The following NUP85 variants were observed in gnomAD, a reference collection of about 807,000 sequenced individuals.
NUP85 encodes the protein nucleoporin 85, also known as nuclear pore complex protein Nup85.
Under a neutral mutation model 92.8 loss-of-function variants are expected in NUP85, and 23 were observed. The observed-to-expected ratio is 0.25, with a 90% CI of 0.18 to 0.35. NUP85 has a LOEUF of 0.35. NUP85 is among the 10% of genes least tolerant of loss of function. NUP85 has a pLI of 1.00. For missense variants in NUP85, 759 were observed against 822.8 expected, an observed-to-expected ratio of 0.92 and a Z score of 0.95; for synonymous variants, 314 against 306.9, an observed-to-expected ratio of 1.02 and a Z score of -0.24.
rs1221043043 is a variant in NUP85 at position 75,205,927 on chromosome 17, T to G, written c.33+133T>G. The G allele has an allele frequency of 5.7e-6, 6 of 1,047,060 alleles. No individual in the cohort carries two copies. The Admixed American group carries it at 1.3e-4, about 22-fold the overall frequency. The allele number at this position is 1,047,060 out of a possible 1,614,324, so 64.9% of individuals were successfully genotyped here. ...CTTCCCTCGACTCAGTTGCCACTTT[T>G]CCGGAGGTCGCAGTGTTAACGAGGT... On this transcript the variant is annotated intron_variant, in intron 1 of 18. Transcript: ENST00000245544.
Position 75,225,693 on chromosome 17 carries a change from C to G in NUP85, c.856-5C>G, listed in dbSNP as rs371760886. The G allele has an allele frequency of 9.7e-5, 156 of 1,613,980 alleles. No homozygotes were observed. The highest frequency in any genetic ancestry group is 1.2e-4 in the Non-Finnish European group (137 of 1,179,990). On this transcript the variant is annotated splice_region_variant and splice_polypyrimidine_tract_variant and intron_variant, in intron 9 of 18. Transcript: ENST00000245544. ...ACAGAGTTCAGCACAAATGTCTCTC[C>G]TCAGATTATGCTGGGAGACGAAGCT...
Position 75,208,551 on chromosome 17 carries a change from A to G in NUP85, c.58A>G (p.Lys20Glu). 1 of 1,605,484 alleles carries G rather than the reference A, an allele frequency of 6.2e-7. No individual in the cohort carries two copies. The highest frequency in any genetic ancestry group is 2.2e-5 in the East Asian group (1 of 44,836). The change falls in exon 2 of 19, where the codon AAG (lysine) becomes GAG (glutamate). Residue 20 changes from lysine (K) to glutamate (E), a missense_variant. Transcript: ENST00000245544. ...VTLIPGVNSK[K>E]NQMYFDWGPG... Reference sequence around the variant, plus strand: ...GTTGATTCCAGGCGTGAATTCCAAGAAGAACCAAATGTATTTTGACTGGGG... The same window carrying G: ...GTTGATTCCAGGCGTGAATTCCAAGGAGAACCAAATGTATTTTGACTGGGG...
At chr17:75,208,359 C>T (rs2071691264) in intron 1 of NUP85, 168 bp from the exon 2 acceptor site, 5 of 613,800 alleles carry the variant, frequency 8.1e-6, no homozygotes, top group Non-Finnish European at 1.4e-5. Flanking sequence ...GCAGGAGAAG[C>T]CTTTGAACCC....
chr17:75,224,451 G>A (rs550858642), intron 7 of NUP85, among the ~76,000 whole-genome samples: 1 of 152,272 alleles, frequency 6.6e-6, no homozygotes, highest in South Asian at 2.1e-4. Context: ...AAGATGGTGG[G>A]AGAAATAATC....
rs60396796 is a variant in NUP85, at chr17:75,233,437, CTTTTTT to C, written c.1615+289_1615+294del. 2.6e-5 allele frequency among the ~76,000 whole-genome samples: 3 copies of C among 117,184 alleles called. No homozygotes were observed. The Admixed American group carries it at 2.8e-4, about 11-fold the overall frequency. 76.9% of individuals were successfully genotyped at this position (117,184 alleles called of 152,430 possible). On this transcript the variant is annotated intron_variant, in intron 16 of 18. Coordinates refer to ENST00000245544, the MANE Select transcript of NUP85 (RefSeq NM_024844.5). ...TCTTTCTTCTTTTCTTTTATTTTTTCTTTTTTTTTTTTTTTGAGACAGAATCTTACT... is the reference window on the plus strand; with the variant it reads ...TCTTTCTTCTTTTCTTTTATTTTTTCTTTTTTTTTGAGACAGAATCTTACT...
chr17:75,205,725 C>A lies in NUP85; in HGVS notation c.-37C>A. ...GGGAGGCCTGAGCGGGAAGCATTGG[C>A]GTCCGAGCGACTTCTAGGAGCCTGG... On this transcript the variant is annotated 5_prime_UTR_variant, in exon 1 of 19. Transcript: ENST00000245544. 1 of 1,613,842 alleles carries A rather than the reference C, an allele frequency of 6.2e-7. No individual in the cohort carries two copies. Among genetic ancestry groups the A allele is most frequent in the Non-Finnish European group, 8.5e-7 (1 of 1,179,750 alleles).
At chr17:75,230,483 CAGAGT>C (rs1393639951) in intron 11 of NUP85, among the ~76,000 whole-genome samples, 7 of 151,970 alleles carry the variant, frequency 4.6e-5, no homozygotes, top group African/African-American at 1.7e-4. Context: ...CCTCAGCCTC[CAGAGT>C]AGCTGGGACT....
chr17:75,211,172 T>G (rs2075249185), intron 3 of NUP85, among the ~76,000 whole-genome samples: 1 of 150,968 alleles, frequency 6.6e-6, no homozygotes, highest in South Asian at 2.1e-4. Context: ...CTGGCTAATT[T>G]TTGCATTTTT....
At chr17:75,215,351 G>A (rs546412269) in intron 5 of NUP85, among the ~76,000 whole-genome samples, 4 of 152,172 alleles carry the variant, frequency 2.6e-5, no homozygotes, top group Admixed American at 6.6e-5. Context: ...CTGAGACTGC[G>A]GGGATATGTC....
chr17:75,213,078 G>A lies in NUP85; in HGVS notation c.364G>A (p.Ala122Thr). 6.2e-7 allele frequency: 1 copy of A among 1,612,938 alleles called. No individual in the cohort carries two copies. The highest frequency in any genetic ancestry group is 1.1e-5 in the South Asian group (1 of 90,758). ...CMEEMHQVAIAAKDPANGRQF... is the reference protein window; with the variant it reads ...CMEEMHQVAITAKDPANGRQF... ...TAAAATGTTTTGTGTTTTGTTAGTT[G>A]CTGCTAAAGATCCAGCCAATGGCCG... Residue 122 changes from alanine (A) to threonine (T), a missense_variant and splice_region_variant, in exon 5 of 19, where the codon GCT (alanine) becomes ACT (threonine). By Grantham distance (58) the Ala-to-Thr change is moderately conservative (BLOSUM62 0). Coordinates refer to ENST00000245544, the MANE Select transcript of NUP85 (RefSeq NM_024844.5).
Position 75,231,190 on chromosome 17 carries a change from A to C in NUP85, c.1095-150A>C. On this transcript the variant is annotated intron_variant, in intron 11 of 18. Transcript: ENST00000245544. The surrounding 1 kb of genome is among the most constrained non-coding windows in gnomAD (Gnocchi z 4.6). ...GTGATCTGCCTGCCTTGGCCTCCCA[A>C]AGTACTGGGATCACGGGCATGAGCT... 1 of 751,120 alleles carries C rather than the reference A, an allele frequency of 1.3e-6. No individual in the cohort carries two copies. The allele number at this position is 751,120 out of a possible 1,614,324, so 46.5% of individuals were successfully genotyped here.
chr17:75,228,338 G>C lies in NUP85; in HGVS notation c.1094+2181G>C, dbSNP rs552548642. On this transcript the variant is annotated intron_variant, in intron 11 of 18. Coordinates refer to ENST00000245544, the MANE Select transcript of NUP85 (RefSeq NM_024844.5). ...GAATGATTAGGCTTGCAGTCCCCCA[G>C]TCTCAGCCTCTCTCCACTCTCACAA... The C allele has an allele frequency of 3.0e-6, 3 of 985,286 alleles. No individual in the cohort carries two copies. In the African/African-American group the frequency reaches 5.2e-5, roughly 17 times the overall value. The allele number at this position is 985,286 out of a possible 1,614,324, so 61.0% of individuals were successfully genotyped here.
At chr17:75,228,229 C>T (rs2075899587) in intron 11 of NUP85, 8 of 985,332 alleles carry the variant, frequency 8.1e-6, no homozygotes, top group South Asian at 4.7e-5. Flanking sequence ...GGGAAAGCAT[C>T]CTGCTGTTTC....
rs758509825 is a variant in NUP85, at chr17:75,205,747, C to G, written c.-15C>G. The G allele has an allele frequency of 6.2e-7, 1 of 1,614,158 alleles. No individual in the cohort carries two copies. Among genetic ancestry groups the G allele is most frequent in the Admixed American group, 1.7e-5 (1 of 60,004 alleles). On this transcript the variant is annotated 5_prime_UTR_variant, in exon 1 of 19. Transcript: ENST00000245544. ...TGGCGTCCGAGCGACTTCTAGGAGC[C>G]TGGGGTTCGGCGCTATGGAGGAGCT...
Position 75,232,892 on chromosome 17 carries a change from A to T in NUP85, c.1438A>T (p.Asn480Tyr), listed in dbSNP as rs368889675. 48 of 1,614,206 alleles carry T rather than the reference A, an allele frequency of 3.0e-5. No homozygotes were observed. The highest frequency in any genetic ancestry group is 4.1e-5 in the Non-Finnish European group (48 of 1,180,042). The change falls in exon 15 of 19, where the codon AAC (asparagine) becomes TAC (tyrosine). Residue 480 changes from asparagine to tyrosine, a missense_variant. Physicochemically the swap from Asn to Tyr is moderately radical, Grantham distance 143. Coordinates refer to ENST00000245544, the MANE Select transcript of NUP85 (RefSeq NM_024844.5). The part of the protein sequence containing the change: ...CKILAMKAVR[N>Y]NRLGSALSWS... ...GATCTTAGCCATGAAAGCCGTCCGC[A>T]ACAATCGCCTGGGTTCTGCCCTCTC...
chr17:75,225,607 G>T (rs1441401565), intron 9 of NUP85, 91 bp from the exon 10 acceptor site: 7 of 1,582,026 alleles, frequency 4.4e-6, no homozygotes, highest in Non-Finnish European at 6.0e-6. Context: ...CAGACTAGTT[G>T]AAATCCGGTG....
At position 75,228,634 on chromosome 17, in the gene NUP85, G is replaced by A. The variant is rs2075917685; in HGVS notation, c.1094+2477G>A. 5.1e-6 allele frequency: 5 copies of A among 985,322 alleles called. No homozygotes were observed. The South Asian group carries it at 1.9e-4, about 37-fold the overall frequency. The allele number at this position is 985,322 out of a possible 1,614,324, so 61.0% of individuals were successfully genotyped here. The stretch of plus-strand genomic sequence containing the variant: ...ACCCATGCACAGTTCTGGGCGGCAG[G>A]GAAGTGTGTCTCTTTCTGGACTTGA... On this transcript the variant is annotated intron_variant, in intron 11 of 18. Transcript: ENST00000245544.
chr17:75,235,411 A>G, intron 18 of NUP85, 167 bp from the exon 19 acceptor site: 1 of 619,094 alleles, frequency 1.6e-6, no homozygotes. Context: ...TTTGCTGTTC[A>G]TCATTTCCAG....
In NUP85 at chr17:75,231,076, T is replaced by A. The variant is rs1207811516; in HGVS notation, c.1095-264T>A. 1 of 430,572 alleles carries A rather than the reference T, an allele frequency of 2.3e-6. No homozygotes were observed. The allele number at this position is 430,572 out of a possible 1,614,324, so 26.7% of individuals were successfully genotyped here. On this transcript the variant is annotated intron_variant, in intron 11 of 18. Coordinates refer to ENST00000245544, the MANE Select transcript of NUP85 (RefSeq NM_024844.5). The surrounding 1 kb of genome is among the most constrained non-coding windows in gnomAD (Gnocchi z 4.6). The stretch of plus-strand genomic sequence containing the variant: ...CTTCTCGAGTAGCTGGGATTACAGG[T>A]GTGTGCCACCATGCCTGGCTAATTT...
Sources: gnomAD v4.1 joint callset for allele counts (sites outside exome capture counted in the v4.1 genomes callset) on GRCh38, gnomAD v4.1.1 for gene constraint, Gnocchi (gnomAD v3.1) non-coding constraint, MANE v1.5 for transcripts, NCBI Gene and HGNC (gene_info 2026-07-23, HGNC 2026-07-21) for gene names.